The following RPGRIP1L variants were observed in gnomAD, a reference collection of about 807,000 sequenced individuals.
RPGRIP1L encodes RPGRIP1 like.
RPGRIP1L carries 131 observed loss-of-function variants against 160.4 expected under a neutral mutation model. The observed-to-expected ratio is 0.82, with a 90% CI of 0.71 to 0.94. RPGRIP1L has a LOEUF of 0.94. Among genes scored for constraint, RPGRIP1L ranks in the 40% least tolerant of loss-of-function variants. The probability of loss-of-function intolerance (pLI) is 0.00; values close to 1 mark genes in which losing one functional copy is unlikely to be tolerated. For synonymous variants in RPGRIP1L, 510 were observed against 515.8 expected (o/e 0.99, Z 0.15); for missense variants, 1,522 against 1,535.8 (o/e 0.99, Z 0.15).
intron 2 of RPGRIP1L, among the ~76,000 whole-genome samples, chr16:53,697,983 T>C (rs1970946495): frequency 6.8e-6 from 1 of 147,958 alleles, no homozygotes; most frequent in South Asian, 2.2e-4. Flanking sequence ...CCGCCCATCG[T>C]CTGAGATGTG....
chr16:53,603,371 C>T (rs962035850), intron 26 of RPGRIP1L, among the ~76,000 whole-genome samples: 2 of 152,196 alleles, frequency 1.3e-5, no homozygotes, highest in African/African-American at 4.8e-5. Context: ...CTCTGTCACC[C>T]AGGCTGGAGT....
chr16:53,655,308 G>A (rs1030396682), intron 14 of RPGRIP1L, among the ~76,000 whole-genome samples: 3 of 151,980 alleles, frequency 2.0e-5, no homozygotes, highest in African/African-American at 7.3e-5. Flanking sequence ...CACGCAATAA[G>A]TTTATTATTA....
At position 53,601,765 on chromosome 16, in the gene RPGRIP1L, T is replaced by C. The variant is rs938154178; in HGVS notation, c.*311A>G. ...ATAAAAATGGGAATTGCATTTCGGT[T>C]CTTCCTAAGAAAATGTTGAAAATGC... is the stretch of plus-strand genomic sequence containing the variant. On this transcript the variant is annotated 3_prime_UTR_variant, in exon 27 of 27. Coordinates refer to ENST00000647211, the MANE Select transcript of RPGRIP1L (RefSeq NM_015272.5). The C allele has an allele frequency of 1.1e-5, 3 of 263,524 alleles. No individual in the cohort carries two copies. Among genetic ancestry groups the C allele is most frequent in the Non-Finnish European group, 1.5e-5 (2 of 135,150 alleles). 16.3% of individuals were successfully genotyped at this position (263,524 alleles called of 1,614,324 possible).
chr16:53,624,368 C>T (rs1188917537), intron 22 of RPGRIP1L, among the ~76,000 whole-genome samples: 5 of 151,012 alleles, frequency 3.3e-5, no homozygotes, highest in Admixed American at 1.3e-4. Context: ...CTGGCTAACA[C>T]GGTGAAACCC....
In RPGRIP1L at chr16:53,687,971, A is replaced by G; in HGVS notation, c.530-6T>C. On this transcript the variant is annotated splice_polypyrimidine_tract_variant and splice_region_variant and intron_variant, in intron 4 of 26. Transcript: ENST00000647211. Reference sequence around the variant, plus strand: ...TGCATCTTGGAATTTTATACCTAAAAACAAAGTAATAAAATATGATTACAG... The same window carrying G: ...TGCATCTTGGAATTTTATACCTAAAGACAAAGTAATAAAATATGATTACAG... 1 of 1,499,022 alleles carries G rather than the reference A, an allele frequency of 6.7e-7. No individual in the cohort carries two copies. The highest frequency in any genetic ancestry group is 9.3e-7 in the Non-Finnish European group (1 of 1,075,996). 92.9% of individuals were successfully genotyped at this position (1,499,022 alleles called of 1,614,324 possible). A position where few individuals can be genotyped will look rare whatever the true frequency, so the allele number is the denominator to read the frequency against.
At chr16:53,671,604 C>A (rs1467639606) in intron 8 of RPGRIP1L, 21 bp from the exon 9 acceptor site, 3 of 1,278,360 alleles carry the variant, frequency 2.3e-6, no homozygotes, top group Non-Finnish European at 3.4e-6. Context: ...AATAAAATTA[C>A]ATATTAAGTA....
chr16:53,643,026 G>A (rs991780816), intron 17 of RPGRIP1L, among the ~76,000 whole-genome samples: 6 of 152,280 alleles, frequency 3.9e-5, no homozygotes, highest in South Asian at 4.1e-4. Flanking sequence ...GGCTGGGTGC[G>A]GTGGCTTACC....
chr16:53,618,944 CTT>C (rs1964543866), intron 24 of RPGRIP1L, 79 bp downstream of exon 24: 4 of 1,167,668 alleles, frequency 3.4e-6, no homozygotes, highest in African/African-American at 3.1e-5. Flanking sequence ...GAGAAATAAA[CTT>C]TCTCTCTGTT....
At chr16:53,687,623 A>C (rs1188040105) in intron 5 of RPGRIP1L, among the ~76,000 whole-genome samples, 1 of 152,122 alleles carries the variant, frequency 6.6e-6, no homozygotes, top group African/African-American at 2.4e-5. Flanking sequence ...CATTCCTCTG[A>C]GGGTCAAATT....
intron 6 of RPGRIP1L, among the ~76,000 whole-genome samples, chr16:53,683,883 AC>A (rs1969789757): frequency 6.6e-6 from 1 of 152,160 alleles, no homozygotes; most frequent in African/African-American, 2.4e-5. Context: ...GATGACAAAA[AC>A]AAGCAATCCC....
chr16:53,636,025 T>C (rs183459252), intron 22 of RPGRIP1L, among the ~76,000 whole-genome samples: 96 of 152,300 alleles, frequency 6.3e-4, no homozygotes, highest in African/African-American at 2.3e-3. Context: ...ATATTATCAG[T>C]GGATATATCT....
chr16:53,673,924 G>A (rs1048707607), intron 7 of RPGRIP1L, among the ~76,000 whole-genome samples: 13 of 152,120 alleles, frequency 8.5e-5, no homozygotes. Flanking sequence ...ACTAATACCT[G>A]GGTTCACTGT....
chr16:53,660,575 A>C (rs558709290), intron 10 of RPGRIP1L, among the ~76,000 whole-genome samples: 53 of 152,084 alleles, frequency 3.5e-4, no homozygotes, highest in Middle Eastern at 6.8e-3. Context: ...AAAAAAAAAA[A>C]ACCTGTGATC....
chr16:53,660,992 T>C (rs1375210224), intron 10 of RPGRIP1L, among the ~76,000 whole-genome samples: 1 of 150,958 alleles, frequency 6.6e-6, no homozygotes, highest in African/African-American at 2.4e-5. Flanking sequence ...TATATCTAGT[T>C]TACTAAAGAA....
chr16:53,657,595 A>G lies in RPGRIP1L; in HGVS notation c.1439T>C (p.Leu480Ser), dbSNP rs1967376719. The G allele has an allele frequency of 1.3e-6, 2 of 1,599,412 alleles. No homozygotes were observed. Among genetic ancestry groups the G allele is most frequent in the South Asian group, 1.1e-5 (1 of 88,868 alleles). The change falls in exon 13 of 27, where the codon TTA becomes TCA. Residue 480 changes from leucine to serine, a missense_variant. Coordinates refer to ENST00000647211, the MANE Select transcript of RPGRIP1L (RefSeq NM_015272.5). Reference protein sequence around the residue: ...KEQKNGDLSFLVKVDSEINKD... With the variant: ...KEQKNGDLSFSVKVDSEINKD... ...ATTAATTTCACTATCTACTTTCACTAAAAAGGAAAGGTCTCCATTTTTTTG... is the reference window on the plus strand; with the variant it reads ...ATTAATTTCACTATCTACTTTCACTGAAAAGGAAAGGTCTCCATTTTTTTG...
intron 9 of RPGRIP1L, among the ~76,000 whole-genome samples, chr16:53,670,298 A>C (rs1243847535): frequency 6.6e-6 from 1 of 152,222 alleles, no homozygotes; most frequent in African/African-American, 2.4e-5. Context: ...AAAGAGCTAA[A>C]AAGTTAAAGA....
chr16:53,641,436 C>T lies in RPGRIP1L; in HGVS notation c.2723G>A (p.Gly908Asp), dbSNP rs1478290807. The change falls in exon 18 of 27, where the codon GGC (glycine) becomes GAC (aspartate). Residue 908 changes from glycine (G) to aspartate (D), a missense_variant. By Grantham distance (94) the Gly-to-Asp change is moderately conservative. Coordinates refer to ENST00000647211, the MANE Select transcript of RPGRIP1L (RefSeq NM_015272.5). Reference protein sequence around the residue: ...ELTDHQKHPAGTIHVILKWKF... With the variant: ...ELTDHQKHPADTIHVILKWKF... ...CCATTTCAATATAACATGGATGGTG[C>T]CAGCAGGATGCTTTTGATGGTCTGT... 12 of 1,613,676 alleles carry T rather than the reference C, an allele frequency of 7.4e-6. No individual in the cohort carries two copies. The highest frequency in any genetic ancestry group is 1.0e-5 in the Non-Finnish European group (12 of 1,179,844).
At chr16:53,664,185 T>C (rs1968047690) in intron 10 of RPGRIP1L, among the ~76,000 whole-genome samples, 2 of 152,228 alleles carry the variant, frequency 1.3e-5, no homozygotes, top group Admixed American at 1.3e-4. Flanking sequence ...TGTAACACAG[T>C]AAAATTCAGA....
chr16:53,674,543 G>A (rs1264354721), intron 7 of RPGRIP1L, among the ~76,000 whole-genome samples: 1 of 151,854 alleles, frequency 6.6e-6, no homozygotes, highest in Non-Finnish European at 1.5e-5. Flanking sequence ...TTCAGGTAAT[G>A]GTAGTGACCA....
Sources: allele counts gnomAD v4.1 joint callset (sites outside exome capture counted in the v4.1 genomes callset), GRCh38; gene constraint gnomAD v4.1.1; transcripts MANE v1.5; gene names NCBI Gene and HGNC (gene_info 2026-07-23, HGNC 2026-07-21).